FRMD3: variants seen among roughly 807,000 people sequenced by gnomAD.
FRMD3 encodes FERM domain-containing protein 3.
A neutral mutation model predicts 70.2 loss-of-function variants in FRMD3; 33 were observed. The ratio of observed to expected loss-of-function variants is 0.47; its 90% CI spans 0.36 to 0.63. The LOEUF (loss-of-function observed/expected upper bound fraction) is 0.63. Among genes scored for constraint, FRMD3 ranks in the 20% least tolerant of loss-of-function variants. The pLI is 0.00. For synonymous variants in FRMD3, 279 were observed against 255.9 expected (o/e 1.09, Z -0.86); for missense variants, 632 against 711.4 (o/e 0.89, Z 1.27).
chr9:83,510,348 C>A (rs1829310555), intron 1 of FRMD3, among the ~76,000 whole-genome samples: 1 of 152,200 alleles, frequency 6.6e-6, no homozygotes, highest in South Asian at 2.1e-4. Context: ...ACTAGGATGA[C>A]TACACTCAAA....
intron 3 of FRMD3, among the ~76,000 whole-genome samples, chr9:83,356,207 A>T (rs1371967233): frequency 6.6e-6 from 1 of 151,916 alleles, no homozygotes; most frequent in Non-Finnish European, 1.5e-5. Context: ...TCTGACCAAC[A>T]ACCTCAGTCA....
intron 2 of FRMD3, among the ~76,000 whole-genome samples, chr9:83,387,908 A>C (rs1159590981): frequency 6.6e-6 from 1 of 152,164 alleles, no homozygotes; most frequent in Non-Finnish European, 1.5e-5. Flanking sequence ...TAGGGTTCAC[A>C]CTACGCAAAC....
chr9:83,265,279 A>G (rs1833195513), intron 13 of FRMD3, among the ~76,000 whole-genome samples: 1 of 151,848 alleles, frequency 6.6e-6, no homozygotes, highest in Non-Finnish European at 1.5e-5. Context: ...AGGCGCCTGT[A>G]ATATCAGCTA....
chr9:83,456,782 C>A (rs1419305516), intron 1 of FRMD3, among the ~76,000 whole-genome samples: 3 of 152,112 alleles, frequency 2.0e-5, no homozygotes, highest in Admixed American at 2.0e-4. Context: ...AAGTTTGAGA[C>A]CAACCTGGGC....
chr9:83,585,709 T>A, the FRMD3 span, among the ~76,000 whole-genome samples: 1 of 152,342 alleles, frequency 6.6e-6, no homozygotes, highest in South Asian at 2.1e-4. Context: ...CTTTCTACTT[T>A]CAGAGCTCTT....
intron 1 of FRMD3, among the ~76,000 whole-genome samples, chr9:83,450,441 C>T (rs994664646): frequency 1.3e-5 from 2 of 148,968 alleles, no homozygotes; most frequent in Non-Finnish European, 3.0e-5. Context: ...ATGTGCCATG[C>T]TGGTGTGCTG....
At chr9:83,452,777 C>T (rs1268984473) in intron 1 of FRMD3, among the ~76,000 whole-genome samples, 1 of 151,714 alleles carries the variant, frequency 6.6e-6, no homozygotes, top group African/African-American at 2.4e-5. Context: ...CCACCACGCC[C>T]GGCCTACTTC....
Position 83,247,831 on chromosome 9 carries a change from C to T in FRMD3, c.*87G>A. The T allele has an allele frequency of 6.5e-7, 1 of 1,537,862 alleles. No homozygotes were observed. The highest frequency in any genetic ancestry group is 8.7e-7 in the Non-Finnish European group (1 of 1,144,204). ...ATGAGTAAGGAACACCTGTTGACAG[C>T]CCCGTGACCCTTCAGAACCAGGCAT... On this transcript the variant is annotated 3_prime_UTR_variant, in exon 14 of 14. Coordinates refer to ENST00000304195, the MANE Select transcript of FRMD3 (RefSeq NM_174938.6).
At chr9:83,312,363 G>C in intron 7 of FRMD3, among the ~76,000 whole-genome samples, 1 of 152,162 alleles carries the variant, frequency 6.6e-6, no homozygotes, top group East Asian at 1.9e-4. Flanking sequence ...CCAAAGCCCT[G>C]AGCATCTAAT....
At chr9:83,315,433 A>T (rs1358958331) in intron 6 of FRMD3, among the ~76,000 whole-genome samples, 4 of 152,052 alleles carry the variant, frequency 2.6e-5, no homozygotes. Flanking sequence ...TCGAATTGTA[A>T]TCCCCAACGT....
chr9:83,385,432 G>A (rs563253026), intron 2 of FRMD3, among the ~76,000 whole-genome samples: 1 of 152,240 alleles, frequency 6.6e-6, no homozygotes, highest in East Asian at 1.9e-4. Flanking sequence ...TAATGGAAAT[G>A]CTGGGCCCTG....
At chr9:83,312,969 A>G (rs543041095) in intron 7 of FRMD3, among the ~76,000 whole-genome samples, 7 of 152,388 alleles carry the variant, frequency 4.6e-5, no homozygotes, top group African/African-American at 1.7e-4. Flanking sequence ...TATACTTAAG[A>G]GCCTAACTGA....
chr9:83,363,268 T>G (rs114345122), intron 3 of FRMD3, among the ~76,000 whole-genome samples: 2,127 of 152,304 alleles, frequency 0.014, 60 homozygotes, highest in African/African-American at 0.049. Context: ...AATTCTATTT[T>G]TATATAAAAG....
chr9:83,417,079 C>T (rs1169266457), intron 1 of FRMD3, among the ~76,000 whole-genome samples: 1 of 152,148 alleles, frequency 6.6e-6, no homozygotes, highest in Admixed American at 6.6e-5. Context: ...CACCAGTAAA[C>T]TTGAACAATA....
intron 1 of FRMD3, among the ~76,000 whole-genome samples, chr9:83,531,163 G>A (rs1829784487): frequency 6.6e-6 from 1 of 152,132 alleles, no homozygotes. Flanking sequence ...CATCCCAAAT[G>A]GCAAGAAGAG....
At chr9:83,407,399 C>T (rs1483078213) in intron 1 of FRMD3, among the ~76,000 whole-genome samples, 4 of 152,144 alleles carry the variant, frequency 2.6e-5, no homozygotes, top group Admixed American at 2.0e-4. Context: ...TACTAGAAGT[C>T]TAAATTATGG....
chr9:83,358,972 G>T (rs1007441158), intron 3 of FRMD3, among the ~76,000 whole-genome samples: 18 of 152,084 alleles, frequency 1.2e-4, no homozygotes, highest in Non-Finnish European at 1.2e-4. Context: ...CAGCCACAGA[G>T]AGTGCAGGCT....
chr9:83,561,555 T>G, the FRMD3 span, among the ~76,000 whole-genome samples: 1 of 152,164 alleles, frequency 6.6e-6, no homozygotes, highest in Admixed American at 6.5e-5. Context: ...TCCTAAACAA[T>G]TTATTTATTG....
intron 3 of FRMD3, among the ~76,000 whole-genome samples, chr9:83,364,013 A>T (rs535237789): frequency 3.3e-5 from 5 of 152,290 alleles, no homozygotes; most frequent in African/African-American, 1.2e-4. Context: ...AAAATATCTT[A>T]TTCTAATTTG....
Sources: allele counts gnomAD v4.1 joint callset (sites outside exome capture counted in the v4.1 genomes callset), GRCh38; gene constraint gnomAD v4.1.1; transcripts MANE v1.5; gene names NCBI Gene and HGNC (gene_info 2026-07-23, HGNC 2026-07-21).